Variants in DLG2 observed in about 807,000 individuals in gnomAD.
The protein encoded by DLG2 is disks large homolog 2.
DLG2 carries 45 observed loss-of-function variants against 132.5 expected under a neutral mutation model. That is an observed-to-expected ratio of 0.34 (90% CI 0.27 to 0.44). The LOEUF is 0.44. Among genes scored for constraint, DLG2 ranks in the 20% least tolerant of loss-of-function variants. The pLI, the probability that DLG2 is intolerant of heterozygous loss-of-function variation, is 1.00. For synonymous variants in DLG2, 424 were observed against 419.6 expected (o/e 1.01, Z -0.13); for missense variants, 1,045 against 1,196.9 (o/e 0.87, Z 1.87).
intron 11 of DLG2, among the ~76,000 whole-genome samples, chr11:84,037,060 G>C (rs1164699817): frequency 6.6e-6 from 1 of 152,136 alleles, no homozygotes; most frequent in African/African-American, 2.4e-5. Flanking sequence ...ACATATGACA[G>C]ATAAGCAAGT....
intron 10 of DLG2, among the ~76,000 whole-genome samples, chr11:84,067,115 A>G (rs1159273266): frequency 6.6e-6 from 1 of 151,922 alleles, no homozygotes; most frequent in Non-Finnish European, 1.5e-5. Context: ...TGGGAGTATC[A>G]TGAGGTCAGG....
chr11:84,146,756 T>C (rs1397338631), intron 9 of DLG2, among the ~76,000 whole-genome samples: 1 of 152,120 alleles, frequency 6.6e-6, no homozygotes. Flanking sequence ...TTGGGGTACC[T>C]AGATATAAGA....
At chr11:85,425,371 G>A (rs1168116768) in intron 3 of DLG2, among the ~76,000 whole-genome samples, 1 of 151,972 alleles carries the variant, frequency 6.6e-6, no homozygotes, top group African/African-American at 2.4e-5. Context: ...ATATTGAGGT[G>A]CTATCGGTAA....
intron 4 of DLG2, among the ~76,000 whole-genome samples, chr11:85,162,419 C>G (rs932142024): frequency 8.5e-5 from 13 of 152,160 alleles, no homozygotes; most frequent in African/African-American, 3.1e-4. Flanking sequence ...ACACAACCTG[C>G]TGAGGTGCTT....
intron 3 of DLG2, among the ~76,000 whole-genome samples, chr11:85,585,198 C>T (rs2078888608): frequency 1.3e-5 from 2 of 152,112 alleles, no homozygotes; most frequent in Non-Finnish European, 2.9e-5. Context: ...AGATGAGGAT[C>T]CAGTTTCATT....
chr11:84,244,000 A>G (rs2097268744), intron 8 of DLG2, among the ~76,000 whole-genome samples: 1 of 152,184 alleles, frequency 6.6e-6, no homozygotes, highest in Non-Finnish European at 1.5e-5. Flanking sequence ...AACTCAAGAA[A>G]AGAACTAACT....
At chr11:84,582,485 TAAAC>T (rs915561885) in intron 6 of DLG2, among the ~76,000 whole-genome samples, 11 of 148,672 alleles carry the variant, frequency 7.4e-5, no homozygotes, top group East Asian at 3.9e-4. Flanking sequence ...ACATATATAA[TAAAC>T]ATACATACAT....
At chr11:83,875,987 C>A (rs1452236947) in intron 15 of DLG2, among the ~76,000 whole-genome samples, 3 of 152,120 alleles carry the variant, frequency 2.0e-5, no homozygotes, top group Admixed American at 1.3e-4. Flanking sequence ...TCCTGGTATC[C>A]CTCACAGTGC....
chr11:83,866,586 G>C (rs2062424499), intron 16 of DLG2, among the ~76,000 whole-genome samples: 1 of 151,892 alleles, frequency 6.6e-6, no homozygotes, highest in African/African-American at 2.4e-5. Flanking sequence ...ACGCTGTTTT[G>C]GATATATTTA....
At chr11:84,350,439 C>T (rs912371035) in intron 7 of DLG2, among the ~76,000 whole-genome samples, 1 of 152,142 alleles carries the variant, frequency 6.6e-6, no homozygotes, top group Non-Finnish European at 1.5e-5. Context: ...CCTTACTCAT[C>T]CACATCTATG....
At chr11:83,476,617 T>C (rs2092638312) in intron 22 of DLG2, among the ~76,000 whole-genome samples, 1 of 152,100 alleles carries the variant, frequency 6.6e-6, no homozygotes, top group Admixed American at 6.6e-5. Context: ...TATATAAATG[T>C]TGTTGTTTGT....
At chr11:85,403,850 G>A (rs1274434551) in intron 3 of DLG2, among the ~76,000 whole-genome samples, 7 of 151,946 alleles carry the variant, frequency 4.6e-5, no homozygotes, top group Admixed American at 4.6e-4. Flanking sequence ...CACAAAAGAA[G>A]ACAGAGGATT....
At chr11:85,154,510 C>A in intron 5 of DLG2, 46 bp downstream of exon 5, 1 of 940,580 alleles carries the variant, frequency 1.1e-6, no homozygotes. Flanking sequence ...CAAGACAAGT[C>A]TTACCCATGA....
intron 4 of DLG2, among the ~76,000 whole-genome samples, chr11:85,259,631 T>A (rs56010470): frequency 0.071 from 10,758 of 151,648 alleles, 633 homozygotes; most frequent in African/African-American, 0.16. Flanking sequence ...AGGTCCCAGC[T>A]CTTCTGCTTG....
intron 14 of DLG2, among the ~76,000 whole-genome samples, chr11:83,931,700 C>T (rs1267697785): frequency 6.6e-6 from 1 of 152,118 alleles, no homozygotes; most frequent in Non-Finnish European, 1.5e-5. Context: ...ACTCTTGAAA[C>T]TTTTATTTGA....
chr11:83,827,499 C>A (rs1438294126), intron 17 of DLG2, among the ~76,000 whole-genome samples: 1 of 152,114 alleles, frequency 6.6e-6, no homozygotes, highest in African/African-American at 2.4e-5. Flanking sequence ...ACCTATTATA[C>A]CTTCACTTCG....
At chr11:85,611,122 T>C (rs1397249592) in intron 2 of DLG2, among the ~76,000 whole-genome samples, 2 of 152,194 alleles carry the variant, frequency 1.3e-5, no homozygotes, top group Admixed American at 6.5e-5. Context: ...CGCAGGCTCA[T>C]GGGATGAACC....
In DLG2 at chr11:83,833,888, A is replaced by T. The variant is rs2055310800; in HGVS notation, c.1566-118T>A. On this transcript the variant is annotated intron_variant, in intron 16 of 27. Coordinates refer to ENST00000376104, the MANE Select transcript of DLG2 (RefSeq NM_001142699.3). The stretch of plus-strand genomic sequence containing the variant: ...TCACTACTTGTAAAATTGTTTCTCA[A>T]ACTAAGATAACATTTGCACATCAAG... The T allele has an allele frequency of 2.8e-6, 3 of 1,067,118 alleles. No individual in the cohort carries two copies. In the African/African-American group the frequency reaches 4.7e-5, roughly 17 times the overall value. The allele number at this position is 1,067,118 out of a possible 1,614,324, so 66.1% of individuals were successfully genotyped here.
At chr11:84,280,775 G>A (rs1395761034) in intron 7 of DLG2, among the ~76,000 whole-genome samples, 1 of 150,588 alleles carries the variant, frequency 6.6e-6, no homozygotes, top group Non-Finnish European at 1.5e-5. Context: ...TCAGCTCACT[G>A]CAAGCTCCGC....
Sources: allele counts gnomAD v4.1 joint callset (sites outside exome capture counted in the v4.1 genomes callset), GRCh38; gene constraint gnomAD v4.1.1; transcripts MANE v1.5; gene names NCBI Gene and HGNC (gene_info 2026-07-23, HGNC 2026-07-21).